DNM3: variants seen among roughly 807,000 people sequenced by gnomAD.
DNM3 encodes the protein dynamin 3.
In DNM3, 47 loss-of-function variants were observed where a neutral mutation model predicts 101.6. The observed-to-expected ratio is 0.46, with a 90% CI of 0.37 to 0.59. The LOEUF is 0.59. Ranked by LOEUF, DNM3 falls within the 20% of genes least tolerant of loss-of-function variation. The probability of loss-of-function intolerance (pLI) is 0.00; values close to 1 mark genes in which losing one functional copy is unlikely to be tolerated. For missense variants in DNM3, 849 were observed against 1,085.7 expected (o/e 0.78, Z 3.06); for synonymous variants, 385 against 387.9 (o/e 0.99, Z 0.09).
chr1:172,405,616 T>A (rs1383612362), intron 20 of DNM3, among the ~76,000 whole-genome samples: 3 of 152,032 alleles, frequency 2.0e-5, no homozygotes, highest in Admixed American at 6.6e-5. Context: ...AAAATCAACT[T>A]TTTATTTAAT....
intron 14 of DNM3, among the ~76,000 whole-genome samples, chr1:172,199,507 T>G (rs1050164485): frequency 6.6e-6 from 1 of 152,092 alleles, no homozygotes; most frequent in African/African-American, 2.4e-5. Context: ...GTCATGGGAG[T>G]GTTGAAGTCT....
At position 172,020,882 on chromosome 1, in the gene DNM3, A is replaced by C. The variant is rs537217439; in HGVS notation, c.590-11520A>C. ...GGCAAAACTCAGGTCCCTGAAGCTC[A>C]TCCACTCTGAGCCTTCAAGCGATTC... On this transcript the variant is annotated intron_variant, in intron 4 of 20. Transcript: ENST00000627582. Among the ~76,000 whole-genome samples, 10 of 152,286 alleles carry C rather than the reference A, an allele frequency of 6.6e-5. No individual in the cohort carries two copies. The East Asian group carries it at 1.9e-3, about 29-fold the overall frequency.
chr1:171,913,333 T>C (rs554733398), intron 1 of DNM3, among the ~76,000 whole-genome samples: 4 of 152,322 alleles, frequency 2.6e-5, no homozygotes, highest in African/African-American at 9.6e-5. Flanking sequence ...GTTTTTCAGA[T>C]AAAATTATGA....
chr1:172,112,125 A>G (rs1278816599), intron 13 of DNM3, among the ~76,000 whole-genome samples: 1 of 152,190 alleles, frequency 6.6e-6, no homozygotes, highest in Non-Finnish European at 1.5e-5. Flanking sequence ...CAGAGCATAT[A>G]CTCTTATCTT....
intron 15 of DNM3, among the ~76,000 whole-genome samples, chr1:172,267,537 C>A (rs1034666578): frequency 2.6e-5 from 4 of 151,718 alleles, no homozygotes; most frequent in African/African-American, 9.7e-5. Context: ...AAATAGAATT[C>A]TATGACATTG....
chr1:172,154,684 T>C (rs988421122), intron 14 of DNM3, among the ~76,000 whole-genome samples: 2 of 152,082 alleles, frequency 1.3e-5, no homozygotes, highest in Non-Finnish European at 2.9e-5. Context: ...CATAGGTCCT[T>C]TAAGAAGGGA....
chr1:172,319,767 C>T (rs1314546436), intron 16 of DNM3, among the ~76,000 whole-genome samples: 5 of 150,706 alleles, frequency 3.3e-5, no homozygotes, highest in South Asian at 2.1e-4. Context: ...AATAGGAACA[C>T]TTTTACACTG....
chr1:171,929,379 G>A (rs532702354), intron 2 of DNM3, among the ~76,000 whole-genome samples: 11 of 152,356 alleles, frequency 7.2e-5, no homozygotes, highest in Middle Eastern at 3.4e-3. Context: ...CCATGTTTTT[G>A]TAGGACAGCT....
At chr1:172,081,294 G>A (rs535391402) in intron 11 of DNM3, among the ~76,000 whole-genome samples, 1 of 152,074 alleles carries the variant, frequency 6.6e-6, no homozygotes, top group African/African-American at 2.4e-5. Flanking sequence ...TGATTTATTT[G>A]TATATTGACT....
At chr1:171,925,505 C>T (rs1335726856) in intron 2 of DNM3, among the ~76,000 whole-genome samples, 1 of 152,046 alleles carries the variant, frequency 6.6e-6, no homozygotes, top group African/African-American at 2.4e-5. Flanking sequence ...GCTGGGATTA[C>T]AGGTGTGAGC....
At chr1:172,117,967 A>G (rs1369666428) in intron 13 of DNM3, among the ~76,000 whole-genome samples, 3 of 152,152 alleles carry the variant, frequency 2.0e-5, no homozygotes, top group Non-Finnish European at 4.4e-5. Context: ...GGACCTCAAG[A>G]CTAAAGTGCA....
chr1:172,320,578 A>G (rs910449240), intron 16 of DNM3, among the ~76,000 whole-genome samples: 2 of 152,190 alleles, frequency 1.3e-5, no homozygotes, highest in Non-Finnish European at 2.9e-5. Flanking sequence ...GGAGTTGAAC[A>G]ATAATATTTT....
rs191009047 is a variant in DNM3 at position 172,198,255 on chromosome 1, G to A, written c.1660-55318G>A. Among the ~76,000 whole-genome samples, 31 of 152,140 alleles carry A rather than the reference G, an allele frequency of 2.0e-4. No homozygotes were observed. In the East Asian group the frequency reaches 5.2e-3, roughly 26 times the overall value. On this transcript the variant is annotated intron_variant, in intron 14 of 20. Coordinates refer to ENST00000627582, the MANE Select transcript of DNM3 (RefSeq NM_015569.5). Reference sequence around the variant, plus strand: ...TTATATTGAACCTACCTTGCATCCCGAGGATGAAGCCTACTTGATCATGCT... The same window carrying A: ...TTATATTGAACCTACCTTGCATCCCAAGGATGAAGCCTACTTGATCATGCT...
chr1:172,276,557 A>AGTGTGTGTGTGTG (rs10528447), intron 15 of DNM3, among the ~76,000 whole-genome samples: 2 of 144,262 alleles, frequency 1.4e-5, no homozygotes, highest in Non-Finnish European at 3.0e-5. Flanking sequence ...AAAAATCTTA[A>AGTGTGTGTGTGTG]TGTGTGTGTG....
chr1:172,309,463 C>T (rs1028871154), intron 16 of DNM3: 1 of 152,200 alleles, frequency 6.6e-6, no homozygotes, highest in African/African-American at 2.4e-5. Flanking sequence ...TAATATTACA[C>T]AGACTAGTCT....
Position 171,970,230 on chromosome 1 carries a change from C to G in DNM3, c.236-17426C>G, listed in dbSNP as rs575735259. On this transcript the variant is annotated intron_variant, in intron 2 of 20. Transcript: ENST00000627582. ...TAATCCAATAACAAACTCAGAACTA[C>G]TGAAGAATAATAAAGGTAAGACAAT... The G allele has an allele frequency of 6.8e-5, 38 of 559,544 alleles. No individual in the cohort carries two copies. In the South Asian group the frequency reaches 2.5e-3, roughly 37 times the overall value. The allele number at this position is 559,544 out of a possible 1,614,324, so 34.7% of individuals were successfully genotyped here. A position where few individuals can be genotyped will look rare whatever the true frequency, so the allele number is the denominator to read the frequency against.
chr1:172,155,014 G>C (rs2058283653), intron 14 of DNM3, among the ~76,000 whole-genome samples: 1 of 151,952 alleles, frequency 6.6e-6, no homozygotes, highest in Admixed American at 6.6e-5. Flanking sequence ...GAAAAAGATT[G>C]AACTGTTTTT....
intron 1 of DNM3, among the ~76,000 whole-genome samples, chr1:171,910,423 A>G (rs922510556): frequency 2.0e-5 from 3 of 152,218 alleles, no homozygotes; most frequent in Non-Finnish European, 4.4e-5. Flanking sequence ...TCCACATGGT[A>G]TACACTATCT....
rs183506868 is a variant in DNM3 at position 172,009,128 on chromosome 1, T to C, written c.589+19980T>C. ...TATATATTATATATCATATAATATA[T>C]ATATTTATATTATATATATTATATG... On this transcript the variant is annotated intron_variant, in intron 4 of 20. Transcript: ENST00000627582. 6.6e-3 allele frequency among the ~76,000 whole-genome samples: 918 copies of C among 138,764 alleles called. 12 individuals carry two copies. Among genetic ancestry groups the C allele is most frequent in the African/African-American group, 0.023 (864 of 37,434 alleles). 91.0% of individuals were successfully genotyped at this position (138,764 alleles called of 152,430 possible).
Sources: gnomAD v4.1 joint callset for allele counts (sites outside exome capture counted in the v4.1 genomes callset) on GRCh38, gnomAD v4.1.1 for gene constraint, MANE v1.5 for transcripts, NCBI Gene and HGNC (gene_info 2026-07-23, HGNC 2026-07-21) for gene names.